The following LTAP1 variants were observed in gnomAD, a reference collection of about 807,000 sequenced individuals.
The protein encoded by LTAP1 is lipid transport auxiliary protein 1.
the LTAP1 span, chr1:154,213,869 T>G: frequency 6.2e-7 from 1 of 1,602,184 alleles, no homozygotes. Flanking sequence ...GATCCTAGAA[T>G]GGACCCTGTC....
the LTAP1 span, chr1:154,219,937 C>A: frequency 5.6e-6 from 9 of 1,594,612 alleles, no homozygotes; most frequent in Non-Finnish European, 7.7e-6. Context: ...AGTACAAACA[C>A]CTGTCCAAAA....
chr1:154,215,840 CT>C, the LTAP1 span, among the ~76,000 whole-genome samples: 310 of 137,736 alleles, frequency 2.3e-3, no homozygotes, highest in Middle Eastern at 3.9e-3. Context: ...CACTAACTTT[CT>C]TTTTTTTTTT....
chr1:154,218,149 G>C, the LTAP1 span, among the ~76,000 whole-genome samples: 3 of 152,142 alleles, frequency 2.0e-5, no homozygotes, highest in Non-Finnish European at 2.9e-5. Flanking sequence ...CAAATATTAT[G>C]AACAATGCCC....
chr1:154,219,248 A>G, the LTAP1 span, among the ~76,000 whole-genome samples: 1 of 152,252 alleles, frequency 6.6e-6, no homozygotes, highest in Non-Finnish European at 1.5e-5. Flanking sequence ...AACTCAGGAA[A>G]GAGTTCTAGG....
At chr1:154,218,871 T>C in the LTAP1 span, among the ~76,000 whole-genome samples, 1 of 152,146 alleles carries the variant, frequency 6.6e-6, no homozygotes, top group African/African-American at 2.4e-5. Context: ...CAGGGTACCA[T>C]GTGAAAATAA....
chr1:154,207,566 T>C, the LTAP1 span: 7 of 1,614,014 alleles, frequency 4.3e-6, no homozygotes, highest in Middle Eastern at 1.6e-4. Flanking sequence ...TGGATGGTTG[T>C]TGGGGAGACC....
the LTAP1 span, chr1:154,207,201 C>T: frequency 7.7e-6 from 3 of 390,758 alleles, no homozygotes; most frequent in Non-Finnish European, 9.3e-6. Flanking sequence ...AAGAATAACA[C>T]CTGAATGCAA....
chr1:154,216,841 G>A, the LTAP1 span, among the ~76,000 whole-genome samples: 3 of 151,248 alleles, frequency 2.0e-5, no homozygotes, highest in East Asian at 2.0e-4. Context: ...TAGAGACAGG[G>A]TTTCCCCATA....
the LTAP1 span, chr1:154,207,564 T>C: frequency 2.5e-6 from 4 of 1,614,034 alleles, no homozygotes; most frequent in Admixed American, 1.7e-5. Flanking sequence ...CCTGGATGGT[T>C]GTTGGGGAGA....
chr1:154,216,764 T>C, the LTAP1 span, among the ~76,000 whole-genome samples: 7 of 152,070 alleles, frequency 4.6e-5, no homozygotes, highest in African/African-American at 1.4e-4. Flanking sequence ...TCTTCTCATG[T>C]GGGCCTCCCA....
chr1:154,208,560 A>C, the LTAP1 span: 2 of 152,128 alleles, frequency 1.3e-5, no homozygotes, highest in Non-Finnish European at 2.9e-5. Flanking sequence ...TTTTTTTCAG[A>C]GACAGGTATC....
chr1:154,218,389 C>A, the LTAP1 span, among the ~76,000 whole-genome samples: 1 of 152,156 alleles, frequency 6.6e-6, no homozygotes, highest in Non-Finnish European at 1.5e-5. Context: ...GACCAAGGGA[C>A]CCCTGAATAG....
the LTAP1 span, chr1:154,211,949 C>G: frequency 5.1e-6 from 1 of 196,498 alleles, no homozygotes; most frequent in South Asian, 9.1e-5. Context: ...CTCCGCCTCC[C>G]GGGTTCAAGA....
chr1:154,209,536 G>A, the LTAP1 span, among the ~76,000 whole-genome samples: 1 of 145,926 alleles, frequency 6.9e-6, no homozygotes. Context: ...AGTGGTACAC[G>A]CACCTCAGCT....
chr1:154,208,229 C>T, the LTAP1 span, among the ~76,000 whole-genome samples: 3 of 152,184 alleles, frequency 2.0e-5, no homozygotes, highest in East Asian at 3.9e-4. Flanking sequence ...CAAAGTGAGA[C>T]CCTATCTCTG....
At chr1:154,208,280 T>C in the LTAP1 span, among the ~76,000 whole-genome samples, 1 of 151,988 alleles carries the variant, frequency 6.6e-6, no homozygotes, top group Admixed American at 6.6e-5. Flanking sequence ...CCTGTAGTCC[T>C]GGTTCCTCAG....
the LTAP1 span, among the ~76,000 whole-genome samples, chr1:154,216,811 G>A: frequency 1.5e-3 from 232 of 151,936 alleles, 1 homozygote; most frequent in Non-Finnish European, 2.9e-3. Context: ...ACCGCGCCTG[G>A]CCCATTTTTA....
chr1:154,217,895 G>A, the LTAP1 span, among the ~76,000 whole-genome samples: 1 of 151,994 alleles, frequency 6.6e-6, no homozygotes, highest in African/African-American at 2.4e-5. Flanking sequence ...TTTATCTTCA[G>A]TTTTTCATTT....
At chr1:154,220,473 C>T in the LTAP1 span, 1 of 1,597,456 alleles carries the variant, frequency 6.3e-7, no homozygotes, top group Middle Eastern at 1.7e-4. Context: ...AGCCCAGGCT[C>T]CGCCGAAGCG....
Sources: allele counts gnomAD v4.1 joint callset (sites outside exome capture counted in the v4.1 genomes callset), GRCh38; gene constraint gnomAD v4.1.1; transcripts MANE v1.5; gene names NCBI Gene and HGNC (gene_info 2026-07-23, HGNC 2026-07-21).